Variants in ELSPBP1 observed in about 807,000 individuals in gnomAD.
ELSPBP1 encodes epididymal sperm binding protein 1, also known as epididymal sperm-binding protein 1.
Under a neutral mutation model 33.3 loss-of-function variants are expected in ELSPBP1, and 38 were observed. That is an observed-to-expected ratio of 1.14 (90% confidence interval 0.88 to 1.50). The LOEUF (loss-of-function observed/expected upper bound fraction) is 1.50, where lower values mean the gene tolerates loss of function less well. ELSPBP1 is among the 40% of genes most tolerant of loss of function. The pLI is 0.00. For synonymous variants in ELSPBP1, 85 were observed against 94.1 expected (o/e 0.90, Z 0.56); for missense variants, 267 against 263.5 (o/e 1.01, Z -0.09).
intron 1 of ELSPBP1, among the ~76,000 whole-genome samples, chr19:48,007,709 T>G (rs1455302877): frequency 6.6e-6 from 1 of 152,174 alleles, no homozygotes; most frequent in Admixed American, 6.5e-5. Context: ...GTGTGATTCA[T>G]GGGGAGGATT....
chr19:48,006,979 C>T (rs1213413796), intron 1 of ELSPBP1, among the ~76,000 whole-genome samples: 1 of 152,132 alleles, frequency 6.6e-6, no homozygotes, highest in Non-Finnish European at 1.5e-5. Flanking sequence ...CTCAGATACT[C>T]AGTGGTGCCA....
chr19:48,000,243 A>T (rs1462207616), intron 1 of ELSPBP1, among the ~76,000 whole-genome samples: 2 of 5,690 alleles, frequency 3.5e-4, no homozygotes, highest in African/African-American at 7.6e-4. Context: ...CCCCTCCCCC[A>T]TCCCCCATAG....
chr19:48,023,503 A>T (rs144568720), intron 6 of ELSPBP1, among the ~76,000 whole-genome samples: 15 of 26,082 alleles, frequency 5.8e-4, no homozygotes, highest in Admixed American at 3.1e-3. Flanking sequence ...AGGGAAGGAA[A>T]AGAGGAAGGA....
intron 1 of ELSPBP1, among the ~76,000 whole-genome samples, chr19:47,997,325 T>A (rs1304118130): frequency 6.6e-6 from 1 of 152,230 alleles, no homozygotes; most frequent in Non-Finnish European, 1.5e-5. Context: ...CTATCTTTTT[T>A]AAAAACCATT....
chr19:48,014,747 C>A, intron 3 of ELSPBP1, among the ~76,000 whole-genome samples: 1 of 144,764 alleles, frequency 6.9e-6, no homozygotes, highest in African/African-American at 2.6e-5. Flanking sequence ...TTTTAATTTC[C>A]ACAAATAAAA....
chr19:48,003,373 A>G (rs1966985399), intron 1 of ELSPBP1, among the ~76,000 whole-genome samples: 1 of 152,140 alleles, frequency 6.6e-6, no homozygotes, highest in Non-Finnish European at 1.5e-5. Context: ...CAAAGAGAAG[A>G]GCGAGTGCAA....
chr19:48,002,600 G>C (rs569379390), intron 1 of ELSPBP1, among the ~76,000 whole-genome samples: 11 of 152,164 alleles, frequency 7.2e-5, no homozygotes, highest in Non-Finnish European at 1.3e-4. Context: ...AAACCAACCT[G>C]GCCAACACGG....
chr19:48,010,854 G>A (rs761708512), intron 2 of ELSPBP1, among the ~76,000 whole-genome samples: 1 of 152,144 alleles, frequency 6.6e-6, no homozygotes, highest in African/African-American at 2.4e-5. Context: ...CTTTGCAGAT[G>A]GCTAATAGTA....
chr19:48,017,513 T>G (rs1444653948), intron 4 of ELSPBP1, among the ~76,000 whole-genome samples: 1 of 152,168 alleles, frequency 6.6e-6, no homozygotes, highest in African/African-American at 2.4e-5. Flanking sequence ...ATAAATACAT[T>G]AATAATATAC....
chr19:47,999,261 G>T (rs1966943047), intron 1 of ELSPBP1, among the ~76,000 whole-genome samples: 1 of 151,966 alleles, frequency 6.6e-6, no homozygotes, highest in Non-Finnish European at 1.5e-5. Flanking sequence ...ATACACATAA[G>T]ATTATGATTT....
chr19:48,012,063 C>T (rs1048542890), intron 2 of ELSPBP1, among the ~76,000 whole-genome samples: 1 of 152,000 alleles, frequency 6.6e-6, no homozygotes, highest in Admixed American at 6.6e-5. Flanking sequence ...GCATTTCTTT[C>T]TTTTTTCAAA....
chr19:48,013,313 A>G (rs1348519045), intron 2 of ELSPBP1, among the ~76,000 whole-genome samples: 2 of 152,192 alleles, frequency 1.3e-5, no homozygotes, highest in African/African-American at 4.8e-5. Flanking sequence ...CCTGGCCCCA[A>G]CATGAACTGG....
intron 1 of ELSPBP1, among the ~76,000 whole-genome samples, chr19:47,998,539 C>T (rs577853662): frequency 6.6e-6 from 1 of 152,172 alleles, no homozygotes. Flanking sequence ...GTAATCCCAG[C>T]ACTTTGGGAG....
intron 1 of ELSPBP1, among the ~76,000 whole-genome samples, chr19:47,995,945 G>A (rs1427927316): frequency 6.6e-6 from 1 of 152,142 alleles, no homozygotes; most frequent in Non-Finnish European, 1.5e-5. Context: ...CAGAGGCTGT[G>A]GGCTAAGCTG....
intron 2 of ELSPBP1, among the ~76,000 whole-genome samples, chr19:48,009,638 C>T (rs1664653142): frequency 6.6e-6 from 1 of 152,100 alleles, no homozygotes; most frequent in African/African-American, 2.4e-5. Context: ...TTCTTTATTC[C>T]AGAGATTCCT....
intron 1 of ELSPBP1, among the ~76,000 whole-genome samples, chr19:47,996,464 A>G (rs1966913198): frequency 1.3e-5 from 2 of 152,152 alleles, no homozygotes; most frequent in South Asian, 2.1e-4. Context: ...GAGTGGATAG[A>G]TAGATGGCTG....
rs148109314 is a variant in ELSPBP1 at position 47,998,269 on chromosome 19, G to A, written c.-18+3458G>A. 9.5e-4 allele frequency among the ~76,000 whole-genome samples: 145 copies of A among 151,896 alleles called. 2 individuals carry two copies. In the East Asian group the frequency reaches 0.024, roughly 25 times the overall value. On this transcript the variant is annotated intron_variant, in intron 1 of 6. Coordinates refer to ENST00000339841, the MANE Select transcript of ELSPBP1 (RefSeq NM_022142.5). ...TCTACTAAAAATACAAAAATTAGCC[G>A]GGTGCAGTGGCAGGCGCCTGTAATA...
chr19:48,014,072 C>A, intron 2 of ELSPBP1, 99 bp from the exon 3 acceptor site: 1 of 1,391,648 alleles, frequency 7.2e-7, no homozygotes, highest in Non-Finnish European at 9.9e-7. Context: ...AGGGAGGGAA[C>A]ACGGACATTC....
chr19:48,006,641 A>AG (rs1299493962), intron 1 of ELSPBP1, among the ~76,000 whole-genome samples: 3,824 of 89,718 alleles, frequency 0.043, 175 homozygotes, highest in African/African-American at 0.092. Flanking sequence ...AAAAAAAAAA[A>AG]AAAAAAGAAA....
Sources: allele counts gnomAD v4.1 joint callset (sites outside exome capture counted in the v4.1 genomes callset), GRCh38; gene constraint gnomAD v4.1.1; transcripts MANE v1.5; gene names NCBI Gene and HGNC (gene_info 2026-07-23, HGNC 2026-07-21).